The following PXDNL variants were observed in gnomAD, a reference collection of about 807,000 sequenced individuals.
PXDNL encodes the protein peroxidasin like, also known as probable oxidoreductase PXDNL.
PXDNL carries 145 observed loss-of-function variants against 150.8 expected under a neutral mutation model. That is an observed-to-expected ratio of 0.96 (90% CI 0.84 to 1.10). PXDNL has a LOEUF of 1.10. PXDNL is among the 50% of genes least tolerant of loss of function. The pLI, the probability that PXDNL is intolerant of heterozygous loss-of-function variation, is 0.00. For synonymous variants in PXDNL, 757 were observed against 725.7 expected (o/e 1.04, Z -0.69); for missense variants, 2,087 against 1,873.9 (o/e 1.11, Z -2.10).
At chr8:51,372,471 A>G (rs1249109876) in intron 18 of PXDNL, among the ~76,000 whole-genome samples, 2 of 152,068 alleles carry the variant, frequency 1.3e-5, no homozygotes, top group Non-Finnish European at 1.5e-5. Flanking sequence ...TGCAACCTCT[A>G]CCTCCCGAGT....
At chr8:51,761,175 A>C (rs2037163002) in intron 1 of PXDNL, among the ~76,000 whole-genome samples, 1 of 151,802 alleles carries the variant, frequency 6.6e-6, no homozygotes, top group Admixed American at 6.6e-5. Context: ...GGCCGGCCTG[A>C]AATCACTTAA....
chr8:51,772,241 C>T (rs973854420), intron 1 of PXDNL, among the ~76,000 whole-genome samples: 71 of 150,380 alleles, frequency 4.7e-4, no homozygotes, highest in African/African-American at 1.7e-3. Context: ...TCTATATACA[C>T]ACACACACAC....
At chr8:51,466,644 A>T (rs1810210760) in intron 8 of PXDNL, among the ~76,000 whole-genome samples, 2 of 152,184 alleles carry the variant, frequency 1.3e-5, no homozygotes, top group South Asian at 4.1e-4. Flanking sequence ...CAAACTACAC[A>T]TCTGACAAAA....
intron 21 of PXDNL, among the ~76,000 whole-genome samples, chr8:51,339,119 T>C (rs1242383603): frequency 6.6e-6 from 1 of 152,148 alleles, no homozygotes; most frequent in Non-Finnish European, 1.5e-5. Context: ...TCTGCCTGTT[T>C]GTAGTGTGTT....
intron 17 of PXDNL, among the ~76,000 whole-genome samples, chr8:51,376,364 C>T (rs920437793): frequency 1.3e-5 from 2 of 152,166 alleles, no homozygotes; most frequent in Non-Finnish European, 2.9e-5. Context: ...CCCACTTTCT[C>T]CTTCTTGGTT....
chr8:51,403,788 C>T (rs1237917675), intron 17 of PXDNL, among the ~76,000 whole-genome samples: 1 of 152,078 alleles, frequency 6.6e-6, no homozygotes, highest in Non-Finnish European at 1.5e-5. Flanking sequence ...ATAAGCGGGG[C>T]CTTAGGTGGT....
intron 4 of PXDNL, among the ~76,000 whole-genome samples, chr8:51,544,902 G>A (rs998653003): frequency 6.9e-6 from 1 of 144,356 alleles, no homozygotes; most frequent in African/African-American, 2.7e-5. Flanking sequence ...TAAAATAAAG[G>A]CAGTATAAAA....
intron 17 of PXDNL, among the ~76,000 whole-genome samples, chr8:51,381,413 T>TAAGTA (rs1807535199): frequency 6.6e-6 from 1 of 152,010 alleles, no homozygotes; most frequent in African/African-American, 2.4e-5. Flanking sequence ...ACCTCCAAAA[T>TAAGTA]AAGTAAACAA....
chr8:51,607,172 A>G (rs141400634), intron 2 of PXDNL, among the ~76,000 whole-genome samples: 1,728 of 152,274 alleles, frequency 0.011, 13 homozygotes, highest in South Asian at 0.026. Context: ...GATCCCACAG[A>G]CTGATCTGTA....
intron 4 of PXDNL, among the ~76,000 whole-genome samples, chr8:51,547,493 C>A (rs1450886121): frequency 6.6e-6 from 1 of 152,154 alleles, no homozygotes; most frequent in African/African-American, 2.4e-5. Context: ...GGCTGGGAGA[C>A]CTAAAGACAG....
chr8:51,733,456 C>G (rs1424646866), intron 1 of PXDNL, among the ~76,000 whole-genome samples: 1 of 151,736 alleles, frequency 6.6e-6, no homozygotes, highest in Non-Finnish European at 1.5e-5. Flanking sequence ...GTGATTTGTT[C>G]TCAGAAAAGG....
At chr8:51,479,129 G>C (rs192216451) in intron 6 of PXDNL, among the ~76,000 whole-genome samples, 1 of 152,306 alleles carries the variant, frequency 6.6e-6, no homozygotes, top group Non-Finnish European at 1.5e-5. Flanking sequence ...TTCAGTAAAT[G>C]TAAGAGGAGG....
At chr8:51,782,929 C>T (rs547929077) in intron 1 of PXDNL, among the ~76,000 whole-genome samples, 30 of 152,224 alleles carry the variant, frequency 2.0e-4, no homozygotes, top group African/African-American at 6.7e-4. Flanking sequence ...TGACAATCTG[C>T]GATTTTAATA....
intron 12 of PXDNL, among the ~76,000 whole-genome samples, chr8:51,436,963 T>G (rs189086267): frequency 1.6e-3 from 244 of 152,218 alleles, no homozygotes; most frequent in African/African-American, 5.7e-3. Flanking sequence ...TTAGCAAGAT[T>G]AACCAAGAAG....
At chr8:51,475,729 A>G (rs2130122075) in intron 6 of PXDNL, among the ~76,000 whole-genome samples, 1 of 152,228 alleles carries the variant, frequency 6.6e-6, no homozygotes, top group South Asian at 2.1e-4. Flanking sequence ...TCTCATCACC[A>G]AAGTACTGAA....
chr8:51,428,456 T>C (rs570232849), intron 12 of PXDNL, among the ~76,000 whole-genome samples: 2 of 152,340 alleles, frequency 1.3e-5, no homozygotes, highest in South Asian at 4.1e-4. Context: ...TACTTGATTT[T>C]AAGACGGGTC....
At chr8:51,676,496 C>T (rs753714613) in intron 1 of PXDNL, among the ~76,000 whole-genome samples, 2 of 152,084 alleles carry the variant, frequency 1.3e-5, no homozygotes, top group East Asian at 1.9e-4. Flanking sequence ...AGGCTGGTCT[C>T]GAACTCGTGA....
rs755089064 is a variant in PXDNL, at chr8:51,472,306, T to A, written c.695-2A>T. ...GCTCAAAAGTAATTCGGGGGCTCTC[T>A]GCAACAAAAGAATTATTGATGTATT... On this transcript the variant is annotated splice_acceptor_variant, in intron 7 of 22. Transcript: ENST00000356297. LOFTEE classifies it high-confidence loss of function. 1.2e-6 allele frequency: 2 copies of A among 1,605,966 alleles called. No homozygotes were observed. Among genetic ancestry groups the A allele is most frequent in the East Asian group, 4.5e-5 (2 of 44,820 alleles).
intron 1 of PXDNL, among the ~76,000 whole-genome samples, chr8:51,749,721 A>C (rs1425189352): frequency 6.6e-6 from 1 of 152,112 alleles, no homozygotes; most frequent in Non-Finnish European, 1.5e-5. Context: ...TTTATTTTTG[A>C]GGCAGAGTCT....
Sources: allele counts gnomAD v4.1 joint callset (sites outside exome capture counted in the v4.1 genomes callset), GRCh38; gene constraint gnomAD v4.1.1; transcripts MANE v1.5; gene names NCBI Gene and HGNC (gene_info 2026-07-23, HGNC 2026-07-21).